The following TNRC6B variants were observed in gnomAD, a reference collection of about 807,000 sequenced individuals.
The protein encoded by TNRC6B is trinucleotide repeat containing adaptor 6B.
TNRC6B carries 52 observed loss-of-function variants against 203.6 expected under a neutral mutation model. That is an observed-to-expected ratio of 0.26 (90% CI 0.20 to 0.32). The LOEUF is 0.32. Among genes scored for constraint, TNRC6B ranks in the 10% least tolerant of loss-of-function variants. TNRC6B has a pLI of 1.00. For missense variants in TNRC6B, 1,923 were observed against 2,286.2 expected (o/e 0.84, Z 3.24); for synonymous variants, 838 against 845.7 (o/e 0.99, Z 0.16).
At chr22:40,223,375 G>C (rs150597642) in intron 1 of TNRC6B, among the ~76,000 whole-genome samples, 1 of 152,148 alleles carries the variant, frequency 6.6e-6, no homozygotes, top group African/African-American at 2.4e-5. Context: ...TCTTGACCTC[G>C]TGATCCGCCT....
intron 2 of TNRC6B, among the ~76,000 whole-genome samples, chr22:40,246,852 G>A (rs1332289762): frequency 6.6e-6 from 1 of 152,090 alleles, no homozygotes; most frequent in Non-Finnish European, 1.5e-5. Flanking sequence ...AACCCCTCTC[G>A]GAAAGGATCT....
intron 2 of TNRC6B, chr22:40,125,627 A>G (rs535080261): frequency 7.4e-6 from 4 of 541,426 alleles, no homozygotes; most frequent in East Asian, 6.3e-5. Context: ...ATGCATGTGC[A>G]TAGACACACA....
chr22:40,195,395 T>C (rs890813015), intron 1 of TNRC6B, among the ~76,000 whole-genome samples: 1 of 152,278 alleles, frequency 6.6e-6, no homozygotes, highest in African/African-American at 2.4e-5. Flanking sequence ...ATGTCTAACC[T>C]GCTGGGACCT....
intron 4 of TNRC6B, among the ~76,000 whole-genome samples, chr22:40,171,176 T>TG (rs1341441049): frequency 6.8e-6 from 1 of 146,614 alleles, no homozygotes; most frequent in African/African-American, 2.5e-5. Context: ...TTTTTTTTTT[T>TG]TTTGAGACAG....
chr22:40,081,339 T>C (rs2068062788), intron 1 of TNRC6B, among the ~76,000 whole-genome samples: 1 of 151,004 alleles, frequency 6.6e-6, no homozygotes, highest in Admixed American at 6.6e-5. Context: ...CACATACTTT[T>C]TCCTTGGACT....
At chr22:40,214,049 C>T (rs554473838) in intron 1 of TNRC6B, among the ~76,000 whole-genome samples, 1 of 152,190 alleles carries the variant, frequency 6.6e-6, no homozygotes, top group South Asian at 2.1e-4. Context: ...AGGCGGATCA[C>T]GAGGTCAGGA....
intron 3 of TNRC6B, among the ~76,000 whole-genome samples, chr22:40,155,920 T>C (rs1235175712): frequency 6.6e-6 from 1 of 152,228 alleles, no homozygotes; most frequent in Non-Finnish European, 1.5e-5. Context: ...TTATGTGTTT[T>C]GCCGATCAAC....
chr22:40,062,156 T>A (rs1022124564), intron 1 of TNRC6B, among the ~76,000 whole-genome samples: 4 of 152,216 alleles, frequency 2.6e-5, no homozygotes, highest in African/African-American at 9.6e-5. Context: ...ATTTTACTTA[T>A]ACGTATGTTA....
At chr22:40,205,684 T>C (rs1033867399) in intron 1 of TNRC6B, among the ~76,000 whole-genome samples, 1 of 152,252 alleles carries the variant, frequency 6.6e-6, no homozygotes, top group Non-Finnish European at 1.5e-5. Flanking sequence ...CTTGGTTTAC[T>C]GTATTATCTA....
In TNRC6B at chr22:40,072,721, G is replaced by C. The variant is rs913281349; in HGVS notation, c.-121+27723G>C. Among the ~76,000 whole-genome samples, 7 of 152,020 alleles carry C rather than the reference G, an allele frequency of 4.6e-5. No individual in the cohort carries two copies. The East Asian group carries it at 1.4e-3, about 29-fold the overall frequency. ...TCCACTAAAAATACAAAAATTAGCCGGGCATGGTGGCACGTGCCTGAAATC... is the reference window on the plus strand; with the variant it reads ...TCCACTAAAAATACAAAAATTAGCCCGGCATGGTGGCACGTGCCTGAAATC... On this transcript the variant is annotated intron_variant, in intron 1 of 23. Transcript: ENST00000301923.
chr22:40,300,210 T>G (rs1363100853), intron 12 of TNRC6B, among the ~76,000 whole-genome samples: 5 of 152,166 alleles, frequency 3.3e-5, no homozygotes, highest in African/African-American at 9.7e-5. Flanking sequence ...AATATAAAAT[T>G]TATACTTTTT....
chr22:40,188,535 C>CTA, intron 1 of TNRC6B, among the ~76,000 whole-genome samples: 1 of 152,184 alleles, frequency 6.6e-6, no homozygotes, highest in Non-Finnish European at 1.5e-5. Context: ...TTAGTAAGGT[C>CTA]AGAGACCTAG....
At chr22:40,176,594 C>T (rs1429475871), upstream of TNRC6B, among the ~76,000 whole-genome samples, 1 of 152,070 alleles carries the variant, frequency 6.6e-6, no homozygotes, top group Non-Finnish European at 1.5e-5. Context: ...GGGTCCAAGT[C>T]ATTGATTTAT....
intron 5 of TNRC6B, among the ~76,000 whole-genome samples, chr22:40,267,307 A>G (rs919853002): frequency 6.6e-6 from 1 of 152,276 alleles, no homozygotes; most frequent in African/African-American, 2.4e-5. Flanking sequence ...GGTCTGCAGA[A>G]TCCAAAAGAC....
intron 4 of TNRC6B, among the ~76,000 whole-genome samples, chr22:40,161,916 CTA>C (rs775478496): frequency 2.0e-5 from 3 of 152,122 alleles, no homozygotes; most frequent in Non-Finnish European, 4.4e-5. Flanking sequence ...AATATTAAAA[CTA>C]TGACAGCTTT....
intron 17 of TNRC6B, among the ~76,000 whole-genome samples, chr22:40,311,650 T>G (rs2071184289): frequency 6.6e-6 from 1 of 152,094 alleles, no homozygotes; most frequent in Non-Finnish European, 1.5e-5. Context: ...CAAGCGATTC[T>G]CCTGCCTCAG....
Position 40,218,575 on chromosome 22 carries a change from G to A in TNRC6B, c.6-27440G>A, listed in dbSNP as rs373361128. ...ACTGCTGGGCTCAAATGATCCACTC[G>A]CCTTGGCTTCCCAAAGTGCTGGGAC... On this transcript the variant is annotated intron_variant, in intron 1 of 22. Coordinates refer to ENST00000454349, the MANE Select transcript of TNRC6B (RefSeq NM_001162501.2). Among the ~76,000 whole-genome samples the A allele has an allele frequency of 3.4e-4, 52 of 152,068 alleles. No homozygotes were observed. The South Asian group carries it at 9.8e-3, about 29-fold the overall frequency.
At chr22:40,163,708 C>T (rs1205801481) in intron 4 of TNRC6B, among the ~76,000 whole-genome samples, 1 of 151,798 alleles carries the variant, frequency 6.6e-6, no homozygotes, top group Non-Finnish European at 1.5e-5. Context: ...TTGCAGTGAG[C>T]CAAGATGGCA....
At chr22:40,131,501 A>G (rs1418632077) in intron 3 of TNRC6B, among the ~76,000 whole-genome samples, 1 of 151,924 alleles carries the variant, frequency 6.6e-6, no homozygotes, top group Non-Finnish European at 1.5e-5. Context: ...AATTATGCAC[A>G]AGCATAATTC....
Sources: gnomAD v4.1 joint callset for allele counts (sites outside exome capture counted in the v4.1 genomes callset) on GRCh38, gnomAD v4.1.1 for gene constraint, MANE v1.5 for transcripts, NCBI Gene and HGNC (gene_info 2026-07-23, HGNC 2026-07-21) for gene names.